The following ZSCAN25 variants were observed in gnomAD, a reference collection of about 807,000 sequenced individuals.
ZSCAN25 encodes the protein zinc finger and SCAN domain containing 25.
In ZSCAN25, 27 loss-of-function variants were observed where a neutral mutation model predicts 38.7. The ratio of observed to expected loss-of-function variants is 0.70; its 90% CI spans 0.51 to 0.96. The LOEUF (loss-of-function observed/expected upper bound fraction) is 0.96, where lower values mean the gene tolerates loss of function less well. ZSCAN25 is among the 40% of genes least tolerant of loss of function. The probability of loss-of-function intolerance (pLI) is 0.00; values close to 1 mark genes in which losing one functional copy is unlikely to be tolerated. For synonymous variants in ZSCAN25, 273 were observed against 277.7 expected (o/e 0.98, Z 0.17); for missense variants, 637 against 705.9 (o/e 0.90, Z 1.11).
At chr7:99,734,469 C>T in the ZSCAN25 span, among the ~76,000 whole-genome samples, 2 of 152,138 alleles carry the variant, frequency 1.3e-5, no homozygotes, top group Admixed American at 1.3e-4. Flanking sequence ...TCAATCAATG[C>T]TGTCCCTAAA....
In ZSCAN25 at chr7:99,619,584, G is replaced by T. The variant is rs755141496; in HGVS notation, c.-23G>T. The T allele has an allele frequency of 7.6e-6, 12 of 1,589,116 alleles. No individual in the cohort carries two copies. The highest frequency in any genetic ancestry group is 1.0e-5 in the Non-Finnish European group (12 of 1,166,548). The stretch of plus-strand genomic sequence containing the variant: ...AGGGTCATTGATGCAGTCATTCTCA[G>T]TCTCCTCGGAGGGAGTCTGAAGATG... On this transcript the variant is annotated 5_prime_UTR_variant, in exon 4 of 8. Transcript: ENST00000394152.
At chr7:99,702,846 G>A in the ZSCAN25 span, among the ~76,000 whole-genome samples, 1 of 152,188 alleles carries the variant, frequency 6.6e-6, no homozygotes, top group Non-Finnish European at 1.5e-5. Flanking sequence ...AGTGTGGACA[G>A]TTTTAACAAT....
chr7:99,716,012 C>T, the ZSCAN25 span: 1 of 1,600,510 alleles, frequency 6.2e-7, no homozygotes, highest in Non-Finnish European at 8.5e-7. Flanking sequence ...GACAAACAGC[C>T]ACAGACTTTC....
At chr7:99,734,480 C>A in the ZSCAN25 span, among the ~76,000 whole-genome samples, 1 of 152,278 alleles carries the variant, frequency 6.6e-6, no homozygotes, top group East Asian at 1.9e-4. Flanking sequence ...TGTCCCTAAA[C>A]CCTTCTTTCC....
At chr7:99,688,092 G>A in the ZSCAN25 span, among the ~76,000 whole-genome samples, 1 of 152,110 alleles carries the variant, frequency 6.6e-6, no homozygotes, top group Non-Finnish European at 1.5e-5. Flanking sequence ...GACCATCAAG[G>A]CTAGGAAAAA....
chr7:99,715,907 C>G, the ZSCAN25 span: 1 of 1,613,744 alleles, frequency 6.2e-7, no homozygotes, highest in Non-Finnish European at 8.5e-7. Context: ...CCCAAAGACG[C>G]TGAGTGGAGA....
chr7:99,715,832 G>C, the ZSCAN25 span: 1 of 1,613,922 alleles, frequency 6.2e-7, no homozygotes, highest in Non-Finnish European at 8.5e-7. Context: ...GGGGTCTTGT[G>C]GATTGTTGAG....
the ZSCAN25 span, among the ~76,000 whole-genome samples, chr7:99,649,549 C>A: frequency 6.6e-6 from 1 of 152,164 alleles, no homozygotes; most frequent in Non-Finnish European, 1.5e-5. Flanking sequence ...CTTGGCTTCA[C>A]GTGAGAACTA....
At chr7:99,627,680 T>TGTGTATGCTGTATACGTATATCTC (rs1562969261) in intron 7 of ZSCAN25, among the ~76,000 whole-genome samples, 4 of 151,542 alleles carry the variant, frequency 2.6e-5, no homozygotes, top group African/African-American at 9.7e-5. Flanking sequence ...ACGTATATCA[T>TGTGTATGCTGTATACGTATATCTC]GTATATGCTG....
the ZSCAN25 span, among the ~76,000 whole-genome samples, chr7:99,718,690 C>T: frequency 6.6e-6 from 1 of 152,036 alleles, no homozygotes; most frequent in African/African-American, 2.4e-5. Context: ...AAAAGGCATA[C>T]AGATTGGAAA....
the ZSCAN25 span, among the ~76,000 whole-genome samples, chr7:99,710,148 A>T: frequency 2.6e-5 from 4 of 152,356 alleles, no homozygotes; most frequent in East Asian, 7.7e-4. Flanking sequence ...AGCACAAAGA[A>T]TCCAAGTTTT....
chr7:99,704,549 C>T, the ZSCAN25 span, among the ~76,000 whole-genome samples: 1 of 152,154 alleles, frequency 6.6e-6, no homozygotes, highest in East Asian at 1.9e-4. Flanking sequence ...CCTTGGCCTC[C>T]CAAAGTGCTG....
chr7:99,622,648 C>G lies in ZSCAN25; in HGVS notation c.681+8C>G, dbSNP rs549647178. On this transcript the variant is annotated splice_region_variant and intron_variant, in intron 6 of 7. Transcript: ENST00000394152. ...TTTACTGCTGGATCGCAGGTGAGCT[C>G]TGACTCCCTTTGCAGAAATCATGAC... 2 of 1,613,472 alleles carry G rather than the reference C, an allele frequency of 1.2e-6. No homozygotes were observed. Among genetic ancestry groups the G allele is most frequent in the East Asian group, 2.2e-5 (1 of 44,854 alleles).
the ZSCAN25 span, among the ~76,000 whole-genome samples, chr7:99,643,157 A>G: frequency 1.3e-5 from 2 of 152,288 alleles, no homozygotes; most frequent in East Asian, 3.9e-4. Flanking sequence ...TACACTTCCA[A>G]GTCTGTAAGA....
the ZSCAN25 span, chr7:99,679,680 T>C: frequency 5.7e-6 from 4 of 704,172 alleles, no homozygotes; most frequent in South Asian, 7.2e-5. Flanking sequence ...AAGATAATAA[T>C]AACTTCTATG....
At chr7:99,625,026 C>A (rs113951522) in intron 7 of ZSCAN25, among the ~76,000 whole-genome samples, 1 of 152,312 alleles carries the variant, frequency 6.6e-6, no homozygotes, top group African/African-American at 2.4e-5. Flanking sequence ...CCCACCTAGC[C>A]TTTCCTTATC....
chr7:99,621,825 C>G (rs1806992576), intron 5 of ZSCAN25: 1 of 348,300 alleles, frequency 2.9e-6, no homozygotes, highest in South Asian at 1.5e-4. Flanking sequence ...CCCTCAGATC[C>G]CTTCTAGAAA....
chr7:99,734,881 A>G, the ZSCAN25 span: 22 of 1,306,562 alleles, frequency 1.7e-5, no homozygotes, highest in Non-Finnish European at 2.2e-5. Context: ...TCAGCATCCC[A>G]AAGTTCTGGG....
the ZSCAN25 span, among the ~76,000 whole-genome samples, chr7:99,689,820 T>A: frequency 1.2e-4 from 19 of 152,182 alleles, no homozygotes; most frequent in African/African-American, 3.9e-4. Context: ...AAATGGAAGA[T>A]CATTCCGTGC....
Sources: allele counts gnomAD v4.1 joint callset (sites outside exome capture counted in the v4.1 genomes callset), GRCh38; gene constraint gnomAD v4.1.1; transcripts MANE v1.5; gene names NCBI Gene and HGNC (gene_info 2026-07-23, HGNC 2026-07-21).